YWHAQ: variants seen among roughly 807,000 people sequenced by gnomAD.
YWHAQ encodes 14-3-3 protein theta.
A neutral mutation model predicts 28.3 loss-of-function variants in YWHAQ; 6 were observed. The observed-to-expected ratio is 0.21, with a 90% CI of 0.12 to 0.42. The LOEUF is 0.42. Among genes scored for constraint, YWHAQ ranks in the 10% least tolerant of loss-of-function variants. The pLI is 1.00. For synonymous variants in YWHAQ, 143 were observed against 119.1 expected, an observed-to-expected ratio of 1.20 and a Z score of -1.31; for missense variants, 201 against 305.6, an observed-to-expected ratio of 0.66 and a Z score of 2.55.
In YWHAQ at chr2:9,630,444, C is replaced by A. The variant is rs1347601492; in HGVS notation, c.9G>T (p.Lys3Asn). 2 of 1,606,530 alleles carry A rather than the reference C, an allele frequency of 1.2e-6. No homozygotes were observed. Among genetic ancestry groups the A allele is most frequent in the South Asian group, 1.1e-5 (1 of 90,912 alleles). Reference protein sequence around the residue: MEKTELIQKAKLA... With the variant: MENTELIQKAKLA... ...GCTTGGCCTTCTGGATCAGCTCAGT[C>A]TTCTCCATGGCGGGCGCGGGGCCGG... The change falls in exon 2 of 6, where the codon AAG (lysine) becomes AAT (asparagine). Residue 3 changes from lysine to asparagine, a missense_variant. Around this residue, in one of 2 missense-constraint regions of YWHAQ, gnomAD observed 162 missense variants for 213.9 expected, o/e 0.76. Coordinates refer to ENST00000238081, the MANE Select transcript of YWHAQ (RefSeq NM_006826.4). The surrounding 1 kb of genome is among the most constrained non-coding windows in gnomAD (Gnocchi z 5.6).
At chr2:9,620,404 C>T (rs879554577) in intron 2 of YWHAQ, among the ~76,000 whole-genome samples, 1 of 152,184 alleles carries the variant, frequency 6.6e-6, no homozygotes, top group Non-Finnish European at 1.5e-5. Flanking sequence ...GGTATGAAGA[C>T]AAGTTTCACT....
rs73913145 is a variant in YWHAQ at position 9,608,147 on chromosome 2, G to A, written c.295-16632C>T. On this transcript the variant is annotated intron_variant, in intron 2 of 5. Coordinates refer to ENST00000238081, the MANE Select transcript of YWHAQ (RefSeq NM_006826.4). ...CACAGAAACATGACTTTCTGGTTCC[G>A]GCAACACAGTGAGACTGAGCTTACG... 2.5e-4 allele frequency among the ~76,000 whole-genome samples: 38 copies of A among 152,104 alleles called. No individual in the cohort carries two copies. In the South Asian group the frequency reaches 7.3e-3, roughly 29 times the overall value.
chr2:9,585,024 C>T lies in YWHAQ; in HGVS notation c.*262G>A. ...TACCAGATACATTTTTAGTCCTCTA[C>T]ATAAGTGTTTGGGAGTTACTTATGT... is the stretch of plus-strand genomic sequence containing the variant. On this transcript the variant is annotated 3_prime_UTR_variant, in exon 6 of 6. Transcript: ENST00000238081. 1 of 450,702 alleles carries T rather than the reference C, an allele frequency of 2.2e-6. No homozygotes were observed. The highest frequency in any genetic ancestry group is 3.7e-5 in the East Asian group (1 of 26,692). 27.9% of individuals were successfully genotyped at this position (450,702 alleles called of 1,614,324 possible).
At chr2:9,589,663 A>G (rs560729259) in intron 3 of YWHAQ, among the ~76,000 whole-genome samples, 1 of 152,312 alleles carries the variant, frequency 6.6e-6, no homozygotes, top group East Asian at 1.9e-4. Flanking sequence ...CATCAACACC[A>G]AAATCTCTAT....
chr2:9,598,012 T>TA (rs1322284923), intron 2 of YWHAQ, among the ~76,000 whole-genome samples: 1 of 132,174 alleles, frequency 7.6e-6, no homozygotes, highest in African/African-American at 2.8e-5. Flanking sequence ...TTTTTTTTTT[T>TA]TAGTAGAGAC....
At chr2:9,598,228 C>G (rs925419354) in intron 2 of YWHAQ, among the ~76,000 whole-genome samples, 1 of 152,124 alleles carries the variant, frequency 6.6e-6, no homozygotes, top group Non-Finnish European at 1.5e-5. Flanking sequence ...GTTGCAAAGC[C>G]TAATCAGATC....
intron 2 of YWHAQ, 55 bp from the exon 3 acceptor site, chr2:9,591,570 T>C: frequency 1.3e-6 from 2 of 1,549,876 alleles, no homozygotes; most frequent in Non-Finnish European, 1.8e-6. Flanking sequence ...CTGTGCATTA[T>C]CATTAAATGA....
intron 2 of YWHAQ, among the ~76,000 whole-genome samples, chr2:9,605,073 T>C (rs557298224): frequency 3.3e-5 from 5 of 152,238 alleles, no homozygotes; most frequent in African/African-American, 1.2e-4. Context: ...AAAGTCATAA[T>C]GTGTAATAGG....
intron 2 of YWHAQ, among the ~76,000 whole-genome samples, chr2:9,603,007 G>A (rs951200820): frequency 2.0e-5 from 3 of 149,136 alleles, no homozygotes; most frequent in Non-Finnish European, 4.4e-5. Context: ...ACAGGCATAA[G>A]CCACCTCACC....
intron 2 of YWHAQ, among the ~76,000 whole-genome samples, chr2:9,594,739 C>CT (rs1491291324): frequency 6.6e-6 from 1 of 152,172 alleles, no homozygotes; most frequent in African/African-American, 2.4e-5. Flanking sequence ...AGACCTAGTG[C>CT]TCTGTTAACT....
chr2:9,611,429 C>T (rs1666944889), intron 2 of YWHAQ, among the ~76,000 whole-genome samples: 2 of 152,302 alleles, frequency 1.3e-5, no homozygotes, highest in African/African-American at 4.8e-5. Flanking sequence ...ATGCACCAGT[C>T]GCATGAGCTT....
Position 9,630,067 on chromosome 2 carries a change from G to C in YWHAQ, c.294+92C>G. Reference sequence around the variant, plus strand: ...TCCACCCCAGCAGACAGTCCGGCAAGCCCCGGCTCACGTTTGTTTCCGTGC... The same window carrying C: ...TCCACCCCAGCAGACAGTCCGGCAACCCCCGGCTCACGTTTGTTTCCGTGC... On this transcript the variant is annotated intron_variant, in intron 2 of 5. Coordinates refer to ENST00000238081, the MANE Select transcript of YWHAQ (RefSeq NM_006826.4). This position sits in a 1 kb window ranked among gnomAD's most constrained non-coding sequence, Gnocchi z 5.6. The C allele has an allele frequency of 1.3e-6, 2 of 1,516,954 alleles. No individual in the cohort carries two copies. The highest frequency in any genetic ancestry group is 1.8e-6 in the Non-Finnish European group (2 of 1,120,562). The allele number at this position is 1,516,954 out of a possible 1,614,324, so 94.0% of individuals were successfully genotyped here. A position where few individuals can be genotyped will look rare whatever the true frequency, so the allele number is the denominator to read the frequency against.
chr2:9,626,852 T>C (rs1427553677), intron 2 of YWHAQ, among the ~76,000 whole-genome samples: 1 of 152,222 alleles, frequency 6.6e-6, no homozygotes, highest in African/African-American at 2.4e-5. Context: ...CAACCTGTCA[T>C]GTATTCTTCA....
intron 2 of YWHAQ, among the ~76,000 whole-genome samples, 194 bp downstream of exon 2, chr2:9,629,965 T>G (rs570403921): frequency 5.6e-4 from 86 of 152,216 alleles, no homozygotes; most frequent in African/African-American, 1.8e-3. Context: ...AAAAAGGACT[T>G]ATCCTTGGAA....
chr2:9,606,755 C>T (rs76566299), intron 2 of YWHAQ, among the ~76,000 whole-genome samples: 8,640 of 152,178 alleles, frequency 0.057, 704 homozygotes, highest in African/African-American at 0.19. Context: ...TATCCTTTGC[C>T]CTTTTCCTAA....
At chr2:9,586,750 G>A (rs1372340995) in intron 5 of YWHAQ, among the ~76,000 whole-genome samples, 1 of 152,120 alleles carries the variant, frequency 6.6e-6, no homozygotes, top group Non-Finnish European at 1.5e-5. Flanking sequence ...GGGCTGGGAG[G>A]ACGAGATCTA....
chr2:9,609,267 G>A (rs1056622838), intron 2 of YWHAQ, among the ~76,000 whole-genome samples: 9 of 152,104 alleles, frequency 5.9e-5, no homozygotes, highest in African/African-American at 2.2e-4. Flanking sequence ...GCAGCTTGGA[G>A]GTGGGAGAAG....
At chr2:9,606,226 T>A (rs1666824781) in intron 2 of YWHAQ, among the ~76,000 whole-genome samples, 1 of 152,098 alleles carries the variant, frequency 6.6e-6, no homozygotes, top group African/African-American at 2.4e-5. Context: ...GCATAAATGT[T>A]CCCATTTCTC....
intron 2 of YWHAQ, among the ~76,000 whole-genome samples, chr2:9,600,681 G>C (rs1666674659): frequency 6.6e-6 from 1 of 151,838 alleles, no homozygotes; most frequent in Non-Finnish European, 1.5e-5. Context: ...CTCCAGCCTG[G>C]GCAACAAGAG....
Sources: allele counts gnomAD v4.1 joint callset (sites outside exome capture counted in the v4.1 genomes callset), GRCh38; gene constraint gnomAD v4.1.1; regional missense constraint gnomAD v4.1.1; non-coding constraint Gnocchi (gnomAD v3.1); transcripts MANE v1.5; gene names NCBI Gene and HGNC (gene_info 2026-07-23, HGNC 2026-07-21).